EMP1: variants seen among roughly 807,000 people sequenced by gnomAD.
EMP1 encodes epithelial membrane protein 1.
In EMP1, 5 loss-of-function variants were observed where a neutral mutation model predicts 15.7. The ratio of observed to expected loss-of-function variants is 0.32; its 90% confidence interval spans 0.17 to 0.67. The LOEUF (loss-of-function observed/expected upper bound fraction) is 0.67, where lower values mean the gene tolerates loss of function less well. EMP1 is among the 30% of genes least tolerant of loss of function. The pLI is 0.74. For missense variants in EMP1, 166 were observed against 194.2 expected, an observed-to-expected ratio of 0.85 and a Z score of 0.86; for synonymous variants, 78 against 76.7, an observed-to-expected ratio of 1.02 and a Z score of -0.09.
At chr12:13,208,019 C>T (rs2121154402) in intron 1 of EMP1, among the ~76,000 whole-genome samples, 2 of 152,318 alleles carry the variant, frequency 1.3e-5, no homozygotes, top group South Asian at 4.1e-4. Flanking sequence ...TTTGCGCTGC[C>T]TCACTAGGAC....
chr12:13,203,305 A>G (rs141765053), intron 1 of EMP1, among the ~76,000 whole-genome samples: 44 of 152,278 alleles, frequency 2.9e-4, no homozygotes, highest in African/African-American at 1.0e-3. Context: ...GCAGAAGGCA[A>G]CTCACGCTTC....
chr12:13,208,897 G>A (rs1011908711), intron 1 of EMP1, among the ~76,000 whole-genome samples: 2 of 152,206 alleles, frequency 1.3e-5, no homozygotes, highest in Non-Finnish European at 2.9e-5. Context: ...ATGGGCCCAG[G>A]TAGAGGTGCC....
At chr12:13,200,168 C>T (rs909428686) in intron 1 of EMP1, among the ~76,000 whole-genome samples, 2 of 152,116 alleles carry the variant, frequency 1.3e-5, no homozygotes, top group South Asian at 4.1e-4. Flanking sequence ...ATTTGGGACT[C>T]TCAGATGTAC....
At chr12:13,203,365 G>A (rs989507204) in intron 1 of EMP1, among the ~76,000 whole-genome samples, 1 of 152,222 alleles carries the variant, frequency 6.6e-6, no homozygotes. Context: ...CTGCAGTCTG[G>A]GGGAGTAGGC....
In EMP1 at chr12:13,216,183, C is replaced by G; in HGVS notation, c.*1492C>G. On this transcript the variant is annotated 3_prime_UTR_variant, in exon 5 of 5. Transcript: ENST00000256951. ...AAGGGGTTTTTTGGGAAGACGTTTT[C>G]TTTATCGCCCTGAGAAGATCTACCC... 2 of 534,624 alleles carry G rather than the reference C, an allele frequency of 3.7e-6. No individual in the cohort carries two copies. Among genetic ancestry groups the G allele is most frequent in the Non-Finnish European group, 6.6e-6 (2 of 302,280 alleles). 33.1% of individuals were successfully genotyped at this position (534,624 alleles called of 1,614,324 possible). A position where few individuals can be genotyped will look rare whatever the true frequency, so the allele number is the denominator to read the frequency against.
rs1350548197 is a variant in EMP1 at position 13,211,560 on chromosome 12, T to A, written c.50T>A (p.Ile17Asn). The A allele has an allele frequency of 6.2e-7, 1 of 1,614,184 alleles. No homozygotes were observed. The highest frequency in any genetic ancestry group is 1.1e-5 in the South Asian group (1 of 91,068). Residue 17 changes from isoleucine (I) to asparagine (N), a missense_variant, in exon 2 of 5, where the codon ATT becomes AAT. Coordinates refer to ENST00000256951, the MANE Select transcript of EMP1 (RefSeq NM_001423.3). This position sits in a 1 kb window ranked among gnomAD's most constrained non-coding sequence, Gnocchi z 4.7. ...GIFVVHIATVIMLFVSTIANV... is the reference protein window; with the variant it reads ...GIFVVHIATVNMLFVSTIANV... ...TTTGTGGTCCACATCGCTACTGTTA[T>A]TATGCTATTTGTTAGCACCATTGCC...
chr12:13,202,665 G>A (rs1294614458), intron 1 of EMP1, among the ~76,000 whole-genome samples: 2 of 152,172 alleles, frequency 1.3e-5, no homozygotes, highest in African/African-American at 4.8e-5. Flanking sequence ...GTTCGGGTCT[G>A]TTTTGGCCAG....
In EMP1 at chr12:13,214,621, T is replaced by C. The variant is rs745689884; in HGVS notation, c.404T>C (p.Ile135Thr). ...CAGTATCACCACGGCTATTCCTACA[T>C]CCTGGGCTGGATCTGCTTCTGCTTC... ...GTQYHHGYSYILGWICFCFSF... is the reference protein window; with the variant it reads ...GTQYHHGYSYTLGWICFCFSF... Residue 135 changes from isoleucine (I) to threonine (T), a missense_variant, in exon 5 of 5, where the codon ATC becomes ACC. Transcript: ENST00000256951. The C allele has an allele frequency of 5.6e-6, 9 of 1,613,778 alleles. No individual in the cohort carries two copies. Among genetic ancestry groups the C allele is most frequent in the Non-Finnish European group, 6.8e-6 (8 of 1,179,990 alleles).
chr12:13,201,446 A>C (rs1864065611), intron 1 of EMP1, among the ~76,000 whole-genome samples: 1 of 152,044 alleles, frequency 6.6e-6, no homozygotes, highest in Admixed American at 6.6e-5. Context: ...AAACAAAAAC[A>C]CCAAAAAAAC....
chr12:13,199,537 A>G (rs1484286936), intron 1 of EMP1: 3 of 152,278 alleles, frequency 2.0e-5, no homozygotes, highest in African/African-American at 7.2e-5. Context: ...GCAGGAGGCA[A>G]GTCAGTTCCA....
At position 13,214,744 on chromosome 12, in the gene EMP1, T is replaced by C; in HGVS notation, c.*53T>C. ...GGGTGGGGAGGAGGAAGCCGTTGAA[T>C]CTGGGAGGGAAGTGGAGGTTGCTGT... On this transcript the variant is annotated 3_prime_UTR_variant, in exon 5 of 5. Transcript: ENST00000256951. 7.2e-7 allele frequency: 1 copy of C among 1,381,162 alleles called. No homozygotes were observed. The highest frequency in any genetic ancestry group is 9.6e-7 in the Non-Finnish European group (1 of 1,044,038). The allele number at this position is 1,381,162 out of a possible 1,614,324, so 85.6% of individuals were successfully genotyped here. A position where few individuals can be genotyped will look rare whatever the true frequency, so the allele number is the denominator to read the frequency against.
At position 13,216,794 on chromosome 12, in the gene EMP1, TA is replaced by T. The variant is rs985642989; in HGVS notation, c.*2111del. The T allele has an allele frequency of 2.9e-4, 63 of 217,472 alleles. No homozygotes were observed. Among genetic ancestry groups the T allele is most frequent in the Middle Eastern group, 1.7e-3 (1 of 604 alleles). 13.5% of individuals were successfully genotyped at this position (217,472 alleles called of 1,614,324 possible). A position where few individuals can be genotyped will look rare whatever the true frequency, so the allele number is the denominator to read the frequency against. On this transcript the variant is annotated 3_prime_UTR_variant, in exon 5 of 5. Transcript: ENST00000256951. ...CCTTCATTGTGTGAATGTTTTTTTC[TA>T]AAAAAAATGTGGAGAAATATGGATA...
intron 1 of EMP1, among the ~76,000 whole-genome samples, chr12:13,202,394 G>A (rs1864073776): frequency 6.6e-6 from 1 of 152,174 alleles, no homozygotes; most frequent in South Asian, 2.1e-4. Context: ...GAGCAAAACG[G>A]GGTTCTTGAT....
intron 1 of EMP1, among the ~76,000 whole-genome samples, chr12:13,203,601 C>T (rs1465671901): frequency 1.3e-5 from 2 of 152,262 alleles, no homozygotes; most frequent in Non-Finnish European, 2.9e-5. Context: ...CCGGCCCGAG[C>T]CTCTCATTTT....
rs1864241220 is a variant in EMP1 at position 13,219,475 on chromosome 12, C to T, written c.*4784C>T. ...TTCTTCTGAGCCCTCCAAACTCTTC[C>T]AACCTCTACCCGTTACCCAGTTCCA... On this transcript the variant is annotated 3_prime_UTR_variant, in exon 5 of 5. Transcript: ENST00000256951. 1 of 152,228 alleles carries T rather than the reference C, an allele frequency of 6.6e-6. No individual in the cohort carries two copies. Among genetic ancestry groups the T allele is most frequent in the South Asian group, 2.1e-4 (1 of 4,830 alleles). The allele number at this position is 152,228 out of a possible 1,614,324, so 9.4% of individuals were successfully genotyped here. A position where few individuals can be genotyped will look rare whatever the true frequency, so the allele number is the denominator to read the frequency against.
chr12:13,202,974 G>A (rs534471325), intron 1 of EMP1, among the ~76,000 whole-genome samples: 7 of 152,108 alleles, frequency 4.6e-5, no homozygotes, highest in Non-Finnish European at 7.4e-5. Context: ...CTTTGGGGAC[G>A]TGCATTTCCT....
intron 1 of EMP1, among the ~76,000 whole-genome samples, chr12:13,202,634 C>G: frequency 6.6e-6 from 1 of 152,184 alleles, no homozygotes; most frequent in Admixed American, 6.5e-5. Flanking sequence ...GAAGGTTGCT[C>G]GGAGTTTGCA....
intron 1 of EMP1, among the ~76,000 whole-genome samples, chr12:13,204,996 A>G (rs1864099053): frequency 6.6e-6 from 1 of 152,234 alleles, no homozygotes; most frequent in African/African-American, 2.4e-5. Context: ...TCACCGGCAG[A>G]ATTAAAAGTC....
intron 1 of EMP1, chr12:13,209,306 G>C (rs1864143056): frequency 6.6e-6 from 1 of 152,218 alleles, no homozygotes; most frequent in African/African-American, 2.4e-5. Flanking sequence ...AGGAAGTTGG[G>C]CTGAGAAAGT....
Sources: gnomAD v4.1 joint callset for allele counts (sites outside exome capture counted in the v4.1 genomes callset) on GRCh38, gnomAD v4.1.1 for gene constraint, Gnocchi (gnomAD v3.1) non-coding constraint, MANE v1.5 for transcripts, NCBI Gene and HGNC (gene_info 2026-07-23, HGNC 2026-07-21) for gene names.